Variants in ZNF609 observed in about 807,000 individuals in gnomAD.
The protein encoded by ZNF609 is zinc finger protein 609.
ZNF609 carries 11 observed loss-of-function variants against 109.5 expected under a neutral mutation model. That is an observed-to-expected ratio of 0.10 (90% CI 0.06 to 0.17). The LOEUF (loss-of-function observed/expected upper bound fraction) is 0.17. Ranked by LOEUF, ZNF609 falls within the 10% of genes least tolerant of loss-of-function variation. The pLI, the probability that ZNF609 is intolerant of heterozygous loss-of-function variation, is 1.00. For missense variants in ZNF609, 1,559 were observed against 1,772.4 expected (o/e 0.88, Z 2.16); for synonymous variants, 646 against 662.0 (o/e 0.98, Z 0.37).
intron 1 of ZNF609, among the ~76,000 whole-genome samples, chr15:64,469,132 A>AC (rs1257834110): frequency 6.6e-6 from 1 of 150,376 alleles, no homozygotes; most frequent in Non-Finnish European, 1.5e-5. Flanking sequence ...GTGTGGTGGC[A>AC]CATGCCTGTA....
rs780052788 is a variant in ZNF609, at chr15:64,674,440, C to A, written c.1586C>A (p.Ala529Glu). ...ACAGATGATGACAGCAAGCCGGAAGCGGATGGGGACAGTGAGTACGGAGAG... is the reference window on the plus strand; with the variant it reads ...ACAGATGATGACAGCAAGCCGGAAGAGGATGGGGACAGTGAGTACGGAGAG... ...AHTDDDSKPE[A>E]DGDSEYGEEP... Residue 529 changes from alanine (A) to glutamate (E), a missense_variant, in exon 5 of 10, where the codon GCG becomes GAG. Coordinates refer to ENST00000326648, the MANE Select transcript of ZNF609 (RefSeq NM_015042.2). 3 of 1,614,186 alleles carry A rather than the reference C, an allele frequency of 1.9e-6. No individual in the cohort carries two copies. The highest frequency in any genetic ancestry group is 3.3e-5 in the Admixed American group (2 of 60,016).
At chr15:64,589,720 A>C (rs1748489551) in intron 2 of ZNF609, among the ~76,000 whole-genome samples, 1 of 152,158 alleles carries the variant, frequency 6.6e-6, no homozygotes, top group Non-Finnish European at 1.5e-5. Context: ...ACTTCTTCCT[A>C]AAGTAGTCCA....
At chr15:64,566,438 A>C (rs1183716854) in intron 2 of ZNF609, among the ~76,000 whole-genome samples, 1 of 152,212 alleles carries the variant, frequency 6.6e-6, no homozygotes, top group Non-Finnish European at 1.5e-5. Context: ...AATTGACTTC[A>C]TTTTATATGA....
chr15:64,594,308 A>G (rs1895353363), intron 2 of ZNF609, among the ~76,000 whole-genome samples: 1 of 152,096 alleles, frequency 6.6e-6, no homozygotes, highest in Admixed American at 6.6e-5. Flanking sequence ...AAAACCAGAA[A>G]AGGCGAAGAC....
chr15:64,613,110 C>T (rs578211289), intron 2 of ZNF609, among the ~76,000 whole-genome samples: 19 of 152,028 alleles, frequency 1.2e-4, no homozygotes, highest in Non-Finnish European at 2.2e-4. Context: ...TGCTTGAGCC[C>T]AGGACTTCAA....
chr15:64,468,216 C>CTTCCTCTCT (rs1192679252), intron 1 of ZNF609, among the ~76,000 whole-genome samples: 9 of 150,510 alleles, frequency 6.0e-5, no homozygotes, highest in African/African-American at 2.0e-4. Flanking sequence ...CCTTCCTCTC[C>CTTCCTCTCT]TTCCTCTCTT....
chr15:64,595,501 G>A (rs1019755981), intron 2 of ZNF609, among the ~76,000 whole-genome samples: 2 of 152,206 alleles, frequency 1.3e-5, no homozygotes, highest in South Asian at 2.1e-4. Context: ...ATTTGAGCCC[G>A]TACATCAGGT....
chr15:64,475,952 C>T (rs868034097), intron 1 of ZNF609, among the ~76,000 whole-genome samples: 1 of 152,134 alleles, frequency 6.6e-6, no homozygotes, highest in Non-Finnish European at 1.5e-5. Context: ...ATTGAATAAA[C>T]TAGGGAAAAG....
rs1265541379 is a variant in ZNF609, at chr15:64,678,260, G to A, written c.3547G>A (p.Gly1183Arg). 6.2e-7 allele frequency: 1 copy of A among 1,614,158 alleles called. No homozygotes were observed. The change falls in exon 6 of 10, where the codon GGG becomes AGG. Residue 1183 changes from glycine to arginine, a missense_variant. Coordinates refer to ENST00000326648, the MANE Select transcript of ZNF609 (RefSeq NM_015042.2). The part of the protein sequence containing the change: ...RSKDSVPKED[G>R]KESTSSDCKL... Reference sequence around the variant, plus strand: ...TAAGGACTCTGTCCCCAAGGAAGATGGGAAGGAAAGCACAAGTAGTGACTG... The same window carrying A: ...TAAGGACTCTGTCCCCAAGGAAGATAGGAAGGAAAGCACAAGTAGTGACTG...
intron 3 of ZNF609, among the ~76,000 whole-genome samples, chr15:64,665,207 CTGTATG>C (rs1896628953): frequency 6.6e-6 from 1 of 152,136 alleles, no homozygotes; most frequent in African/African-American, 2.4e-5. Context: ...CCCTGCAATC[CTGTATG>C]TGTATGTGTC....
chr15:64,526,856 C>T (rs1893974163), intron 2 of ZNF609, among the ~76,000 whole-genome samples: 1 of 152,054 alleles, frequency 6.6e-6, no homozygotes. Context: ...GCCCAGGCTG[C>T]CCAGTCTAGT....
chr15:64,604,476 T>G (rs111955066), intron 2 of ZNF609, among the ~76,000 whole-genome samples: 2 of 152,208 alleles, frequency 1.3e-5, no homozygotes, highest in Non-Finnish European at 1.5e-5. Context: ...AGAGCTATAT[T>G]TAAAGATTAT....
chr15:64,473,588 A>G (rs1172240347), intron 1 of ZNF609, among the ~76,000 whole-genome samples: 1 of 151,146 alleles, frequency 6.6e-6, no homozygotes, highest in Non-Finnish European at 1.5e-5. Flanking sequence ...ATAGCCTGAC[A>G]TTTAGCCTCA....
chr15:64,647,932 T>C (rs543428463), intron 3 of ZNF609, among the ~76,000 whole-genome samples: 15 of 152,352 alleles, frequency 9.8e-5, no homozygotes, highest in African/African-American at 3.6e-4. Context: ...TTCTTCCACC[T>C]GTTCTGTGTG....
At chr15:64,589,409 A>G (rs1441428713) in intron 2 of ZNF609, among the ~76,000 whole-genome samples, 2 of 152,188 alleles carry the variant, frequency 1.3e-5, no homozygotes, top group South Asian at 2.1e-4. Context: ...TTATCAGACT[A>G]TGTTCCAGGC....
chr15:64,647,215 C>T (rs1007843424), intron 3 of ZNF609, among the ~76,000 whole-genome samples: 4 of 148,960 alleles, frequency 2.7e-5, no homozygotes, highest in Admixed American at 2.0e-4. Context: ...AAGCCAGTCA[C>T]GAAAGGACAA....
At chr15:64,620,493 C>A (rs1333286322) in intron 2 of ZNF609, among the ~76,000 whole-genome samples, 3 of 152,182 alleles carry the variant, frequency 2.0e-5, no homozygotes, top group African/African-American at 7.2e-5. Flanking sequence ...CAGGATCTAC[C>A]ACATCCCAAG....
Position 64,469,382 on chromosome 15 carries a change from C to T in ZNF609, c.-128+8544C>T, listed in dbSNP as rs527442648. On this transcript the variant is annotated intron_variant, in intron 1 of 9. Coordinates refer to ENST00000326648, the MANE Select transcript of ZNF609 (RefSeq NM_015042.2). ...GAGGCTGCAGTGAGCTGTGATCTCA[C>T]CACTGCAATTCAGCCTTCACTCGCA... Among the ~76,000 whole-genome samples, 7 of 143,880 alleles carry T rather than the reference C, an allele frequency of 4.9e-5. No individual in the cohort carries two copies. The East Asian group carries it at 1.4e-3, about 30-fold the overall frequency. The allele number at this position is 143,880 out of a possible 152,430, so 94.4% of individuals were successfully genotyped here. A position where few individuals can be genotyped will look rare whatever the true frequency, so the allele number is the denominator to read the frequency against.
intron 2 of ZNF609, among the ~76,000 whole-genome samples, chr15:64,605,092 A>G (rs532648347): frequency 6.6e-6 from 1 of 152,102 alleles, no homozygotes; most frequent in East Asian, 1.9e-4. Flanking sequence ...CAGCCTACCA[A>G]AGTGCTGGGA....
Sources: gnomAD v4.1 joint callset for allele counts (sites outside exome capture counted in the v4.1 genomes callset) on GRCh38, gnomAD v4.1.1 for gene constraint, MANE v1.5 for transcripts, NCBI Gene and HGNC (gene_info 2026-07-23, HGNC 2026-07-21) for gene names.